Variants in PSD3 observed in about 807,000 individuals in gnomAD.
The protein encoded by PSD3 is PH and SEC7 domain-containing protein 3.
Under a neutral mutation model 105.5 loss-of-function variants are expected in PSD3, and 49 were observed. That is an observed-to-expected ratio of 0.46 (90% CI 0.37 to 0.59). PSD3 has a LOEUF of 0.59. PSD3 is among the 20% of genes least tolerant of loss of function. PSD3 has a pLI of 0.00. For synonymous variants in PSD3, 557 were observed against 457.8 expected (o/e 1.22, Z -2.77); for missense variants, 1,561 against 1,263.8 (o/e 1.24, Z -3.57).
At chr8:19,058,644 A>T (rs1197842289) in intron 1 of PSD3, among the ~76,000 whole-genome samples, 1 of 152,130 alleles carries the variant, frequency 6.6e-6, no homozygotes, top group Non-Finnish European at 1.5e-5. Context: ...TTCTACCTGT[A>T]TCTCTTCCTT....
At chr8:18,712,648 C>A (rs1310265685) in intron 9 of PSD3, among the ~76,000 whole-genome samples, 1 of 152,016 alleles carries the variant, frequency 6.6e-6, no homozygotes, top group Admixed American at 6.6e-5. Flanking sequence ...AGCCTCCCAA[C>A]CAAACAAACA....
rs774810335 is a variant in PSD3, at chr8:18,801,338, C to T, written c.1955G>A (p.Arg652Gln). ...AFSLVGETQE[R>Q]ERVLIHFSNR... ...GGAGAAGTGTATTAAAACTCTCTCT[C>T]GTTCTTGAGTTTCTCCCACAAGAGA... is the stretch of plus-strand genomic sequence containing the variant. The change falls in exon 7 of 16, where the codon CGA becomes CAA. Residue 652 changes from arginine to glutamine, a missense_variant. Arg to Gln is a conservative substitution (Grantham distance 43). Coordinates refer to ENST00000327040, the MANE Select transcript of PSD3 (RefSeq NM_015310.4). 12 of 1,608,686 alleles carry T rather than the reference C, an allele frequency of 7.5e-6. No homozygotes were observed. Among genetic ancestry groups the T allele is most frequent in the Admixed American group, 1.7e-5 (1 of 59,728 alleles).
intron 9 of PSD3, among the ~76,000 whole-genome samples, chr8:18,755,300 C>T (rs529686017): frequency 7.2e-5 from 11 of 152,068 alleles, no homozygotes; most frequent in African/African-American, 2.2e-4. Context: ...CGTGGTGGCA[C>T]GCGCCTGTAA....
chr8:18,590,629 A>G (rs1402673744), intron 12 of PSD3, among the ~76,000 whole-genome samples: 3 of 152,256 alleles, frequency 2.0e-5, no homozygotes, highest in East Asian at 3.9e-4. Flanking sequence ...TAGGAATCTT[A>G]AGAAAATAAA....
intron 11 of PSD3, among the ~76,000 whole-genome samples, chr8:18,620,375 C>T: frequency 7.1e-6 from 1 of 140,660 alleles, no homozygotes; most frequent in Non-Finnish European, 1.5e-5. Flanking sequence ...AGGCTGTGGT[C>T]ACTCACATTG....
chr8:18,960,728 CT>C (rs1266569861), intron 1 of PSD3, among the ~76,000 whole-genome samples: 3 of 152,096 alleles, frequency 2.0e-5, no homozygotes, highest in Non-Finnish European at 4.4e-5. Context: ...GAAAATGAGG[CT>C]TCTAGAAGGA....
intron 4 of PSD3, among the ~76,000 whole-genome samples, chr8:18,857,370 G>C (rs1816098458): frequency 6.6e-6 from 1 of 152,166 alleles, no homozygotes; most frequent in Non-Finnish European, 1.5e-5. Context: ...TGGTATCTGA[G>C]AGACACATTT....
intron 9 of PSD3, among the ~76,000 whole-genome samples, 159 bp downstream of exon 9, chr8:18,765,290 A>G (rs1478925377): frequency 6.6e-6 from 1 of 152,226 alleles, no homozygotes; most frequent in Non-Finnish European, 1.5e-5. Flanking sequence ...GGTACTTTGC[A>G]GCACGAAAAA....
intron 1 of PSD3, among the ~76,000 whole-genome samples, chr8:18,985,244 T>C (rs981108315): frequency 6.6e-6 from 1 of 152,122 alleles, no homozygotes; most frequent in African/African-American, 2.4e-5. Context: ...ATCCTTTGCT[T>C]TTATAGAGTG....
intron 4 of PSD3, among the ~76,000 whole-genome samples, chr8:18,828,923 AC>A (rs1813446571): frequency 6.6e-6 from 1 of 152,180 alleles, no homozygotes; most frequent in Admixed American, 6.5e-5. Context: ...ACATGGTGAA[AC>A]CCTGTCTTTA....
At chr8:18,910,637 TAAAA>T (rs34392783) in intron 2 of PSD3, among the ~76,000 whole-genome samples, 7 of 97,114 alleles carry the variant, frequency 7.2e-5, no homozygotes, top group African/African-American at 2.0e-4. Context: ...TAGAGTATAA[TAAAA>T]AAAAAAAAAA....
Position 18,872,195 on chromosome 8 carries a change from T to G in PSD3, c.669A>C (p.Gly223=). The change falls in exon 3 of 16, where the codon GGA becomes GGC. Residue 223 remains glycine (G), a synonymous_variant. Coordinates refer to ENST00000327040, the MANE Select transcript of PSD3 (RefSeq NM_015310.4). ...IQKDLTALLT[G]DTQAEISQIM... ...TCTGGGAAATCTCTGCCTGAGTGTCTCCAGTTAACAGCGCGGTGAGATCTT... is the reference window on the plus strand; with the variant it reads ...TCTGGGAAATCTCTGCCTGAGTGTCGCCAGTTAACAGCGCGGTGAGATCTT... 1 of 1,614,174 alleles carries G rather than the reference T, an allele frequency of 6.2e-7. No individual in the cohort carries two copies. The highest frequency in any genetic ancestry group is 1.1e-5 in the South Asian group (1 of 91,086).
chr8:19,019,650 T>A (rs997955112), intron 1 of PSD3, among the ~76,000 whole-genome samples: 2 of 152,066 alleles, frequency 1.3e-5, no homozygotes, highest in East Asian at 1.9e-4. Flanking sequence ...AACAAAAAAA[T>A]TTTTCAATTA....
intron 9 of PSD3, chr8:18,683,738 C>T: frequency 1.3e-6 from 1 of 757,824 alleles, no homozygotes. Context: ...CCCTGCCACA[C>T]AGCTGTCAAT....
At chr8:18,575,045 G>A (rs1208417668) in intron 13 of PSD3, 83 bp downstream of exon 13, 1 of 1,409,360 alleles carries the variant, frequency 7.1e-7, no homozygotes, top group South Asian at 1.7e-5. Context: ...AATTTCCCCT[G>A]CAGAGCTTGA....
chr8:18,618,671 G>A (rs539572885), intron 11 of PSD3, among the ~76,000 whole-genome samples: 1 of 150,174 alleles, frequency 6.7e-6, no homozygotes, highest in Non-Finnish European at 1.5e-5. Context: ...CTCACCTTAA[G>A]GTTTTTGCAT....
At chr8:18,792,192 T>G (rs1011212669) in intron 8 of PSD3, among the ~76,000 whole-genome samples, 1 of 152,226 alleles carries the variant, frequency 6.6e-6, no homozygotes, top group African/African-American at 2.4e-5. Flanking sequence ...AAATACCATT[T>G]GACCTAGCAA....
chr8:18,537,613 G>A (rs1023763045), intron 15 of PSD3, among the ~76,000 whole-genome samples: 16 of 152,106 alleles, frequency 1.1e-4, no homozygotes, highest in African/African-American at 2.9e-4. Flanking sequence ...GGGCTTCTGG[G>A]AAAGAGATTT....
intron 9 of PSD3, among the ~76,000 whole-genome samples, chr8:18,665,728 A>G (rs1225694895): frequency 6.6e-6 from 1 of 152,150 alleles, no homozygotes; most frequent in African/African-American, 2.4e-5. Context: ...GTGCATGCCA[A>G]TGGTCTCAGC....
Sources: gnomAD v4.1 joint callset for allele counts (sites outside exome capture counted in the v4.1 genomes callset) on GRCh38, gnomAD v4.1.1 for gene constraint, MANE v1.5 for transcripts, NCBI Gene and HGNC (gene_info 2026-07-23, HGNC 2026-07-21) for gene names.